The following INVS variants were observed in gnomAD, a reference collection of about 807,000 sequenced individuals.
INVS encodes inversin, also known as inversion of embryo turning homolog.
A neutral mutation model predicts 108.8 loss-of-function variants in INVS; 86 were observed. The observed-to-expected ratio is 0.79, with a 90% confidence interval of 0.66 to 0.95. INVS has a LOEUF of 0.95. Among genes scored for constraint, INVS ranks in the 40% least tolerant of loss-of-function variants. The pLI, the probability that INVS is intolerant of heterozygous loss-of-function variation, is 0.00. For missense variants in INVS, 1,169 were observed against 1,297.4 expected (o/e 0.90, Z 1.52); for synonymous variants, 455 against 473.5 (o/e 0.96, Z 0.51).
At chr9:100,255,541 G>A (rs1279468545) in intron 10 of INVS, among the ~76,000 whole-genome samples, 1 of 152,134 alleles carries the variant, frequency 6.6e-6, no homozygotes, top group Non-Finnish European at 1.5e-5. Flanking sequence ...TATGACATTG[G>A]CTGTGGGTTT....
chr9:100,117,517 GC>G, intron 2 of INVS: 1 of 921,962 alleles, frequency 1.1e-6, no homozygotes, highest in Non-Finnish European at 1.7e-6. Context: ...CCCGTCCACG[GC>G]CGCAACCCCG....
chr9:100,227,702 A>C (rs1388611142), intron 4 of INVS, among the ~76,000 whole-genome samples: 2 of 147,130 alleles, frequency 1.4e-5, no homozygotes, highest in Non-Finnish European at 3.0e-5. Context: ...AGCCTGATTA[A>C]AAAAAAAAAA....
At chr9:100,156,538 T>G (rs927375476) in intron 3 of INVS, among the ~76,000 whole-genome samples, 7 of 152,046 alleles carry the variant, frequency 4.6e-5, no homozygotes, top group Non-Finnish European at 1.0e-4. Context: ...GCTAGTGTAT[T>G]TAAAATACAG....
At position 100,273,072 on chromosome 9, in the gene INVS, G is replaced by C; in HGVS notation, c.1780G>C (p.Ala594Pro). ...TGAACAGTTGAGAAAAGATGCTGCT[G>C]CCAAGTAAGTATGAGCTACGCAGAT... is the stretch of plus-strand genomic sequence containing the variant. ...KHEQLRKDAA[A>P]KKREEENKRK... The change falls in exon 12 of 17, where the codon GCC (alanine) becomes CCC (proline). Residue 594 changes from alanine to proline, a missense_variant. Coordinates refer to ENST00000262457, the MANE Select transcript of INVS (RefSeq NM_014425.5). 2 of 1,613,658 alleles carry C rather than the reference G, an allele frequency of 1.2e-6. 1 individual carries two copies. Among genetic ancestry groups the C allele is most frequent in the East Asian group, 4.5e-5 (2 of 44,872 alleles).
Position 100,127,404 on chromosome 9 carries a change from A to C in INVS, c.273+855A>C, listed in dbSNP as rs144121031. On this transcript the variant is annotated intron_variant, in intron 3 of 16. Coordinates refer to ENST00000262457, the MANE Select transcript of INVS (RefSeq NM_014425.5). ...TTTTAAGATTAAACCCATCAAACAG[A>C]TAAAATAGGAAGCTTCTACATTTAG... 4.4e-3 allele frequency among the ~76,000 whole-genome samples: 676 copies of C among 152,260 alleles called. 3 individuals carry two copies. Among genetic ancestry groups the C allele is most frequent in the African/African-American group, 0.016 (649 of 41,560 alleles).
At chr9:100,179,550 C>T (rs1829818798) in intron 3 of INVS, among the ~76,000 whole-genome samples, 1 of 151,758 alleles carries the variant, frequency 6.6e-6, no homozygotes, top group African/African-American at 2.4e-5. Flanking sequence ...CAAACAAGGG[C>T]ATTACATAAT....
At chr9:100,115,318 A>G (rs1451032758) in intron 2 of INVS, among the ~76,000 whole-genome samples, 1 of 150,320 alleles carries the variant, frequency 6.7e-6, no homozygotes, top group Non-Finnish European at 1.5e-5. Context: ...ATATATTTTT[A>G]TTATACTTTA....
intron 8 of INVS, among the ~76,000 whole-genome samples, chr9:100,251,301 C>T (rs1832227544): frequency 6.6e-6 from 1 of 152,186 alleles, no homozygotes; most frequent in Non-Finnish European, 1.5e-5. Context: ...CTCTGTGGAT[C>T]ACCCTTTATG....
Position 100,301,433 on chromosome 9 carries a change from C to T in INVS, c.*759C>T, listed in dbSNP as rs556070454. The stretch of plus-strand genomic sequence containing the variant: ...ATTCTGTCAGGTAGGGTTTACAGAC[C>T]AGACTGTTCATGCAGCAAGGTGCTA... On this transcript the variant is annotated 3_prime_UTR_variant, in exon 17 of 17. Transcript: ENST00000262457. Among the ~76,000 whole-genome samples, 5 of 152,284 alleles carry T rather than the reference C, an allele frequency of 3.3e-5. No individual in the cohort carries two copies. The highest frequency in any genetic ancestry group is 9.6e-5 in the African/African-American group (4 of 41,564).
chr9:100,219,276 A>G (rs1211193623), intron 3 of INVS, among the ~76,000 whole-genome samples: 1 of 152,212 alleles, frequency 6.6e-6, no homozygotes, highest in Non-Finnish European at 1.5e-5. Flanking sequence ...GCAAACATAT[A>G]AAAACATTCC....
chr9:100,152,410 C>A (rs1036996507), intron 3 of INVS, among the ~76,000 whole-genome samples: 2 of 152,146 alleles, frequency 1.3e-5, no homozygotes, highest in Admixed American at 6.5e-5. Flanking sequence ...AAAATAGATA[C>A]TGCTTATAGA....
chr9:100,107,045 A>G (rs1223150973), intron 2 of INVS, among the ~76,000 whole-genome samples: 1 of 152,222 alleles, frequency 6.6e-6, no homozygotes, highest in Admixed American at 6.5e-5. Flanking sequence ...ACACTTATTT[A>G]CCTTAATTCA....
At chr9:100,250,407 C>T (rs1242078020) in intron 8 of INVS, among the ~76,000 whole-genome samples, 1 of 152,122 alleles carries the variant, frequency 6.6e-6, no homozygotes, top group Non-Finnish European at 1.5e-5. Context: ...ATGTTCTACC[C>T]TGTGCTGTCT....
At chr9:100,251,634 C>T (rs980181335) in intron 8 of INVS, among the ~76,000 whole-genome samples, 2 of 152,164 alleles carry the variant, frequency 1.3e-5, no homozygotes, top group African/African-American at 4.8e-5. Context: ...TGGGTTCAAG[C>T]AGTCCTCCTG....
At chr9:100,258,384 G>A (rs62578319) in intron 10 of INVS, among the ~76,000 whole-genome samples, 29 of 152,112 alleles carry the variant, frequency 1.9e-4, no homozygotes, top group Non-Finnish European at 4.0e-4. Context: ...TGTAATTACC[G>A]ATCGTCTGAA....
intron 3 of INVS, among the ~76,000 whole-genome samples, chr9:100,156,941 T>TACAC (rs200451806): frequency 2.2e-3 from 249 of 111,130 alleles, no homozygotes; most frequent in African/African-American, 4.3e-3. Flanking sequence ...CATATATATA[T>TACAC]ATACACACAC....
At position 100,264,275 on chromosome 9, in the gene INVS, T is replaced by G. The variant is rs544295973; in HGVS notation, c.1465-547T>G. 8.5e-5 allele frequency among the ~76,000 whole-genome samples: 13 copies of G among 152,332 alleles called. No individual in the cohort carries two copies. The South Asian group carries it at 2.5e-3, about 29-fold the overall frequency. On this transcript the variant is annotated intron_variant, in intron 10 of 16. Transcript: ENST00000262457. ...TGGTTGGAATATTACATAAGTAATA[T>G]GAATCCTTCTAAGGGTATTACCTCT... is the stretch of plus-strand genomic sequence containing the variant.
At chr9:100,299,676 ACAC>A (rs1833906938) in intron 16 of INVS, among the ~76,000 whole-genome samples, 1 of 133,160 alleles carries the variant, frequency 7.5e-6, no homozygotes, top group Non-Finnish European at 1.7e-5. Context: ...ACACACACAC[ACAC>A]ACCTGGGCCT....
intron 3 of INVS, among the ~76,000 whole-genome samples, chr9:100,212,497 C>A (rs1006924861): frequency 6.6e-6 from 1 of 152,082 alleles, no homozygotes; most frequent in Non-Finnish European, 1.5e-5. Context: ...CCCTCCCCAA[C>A]AACCTTTTCT....
Sources: allele counts gnomAD v4.1 joint callset (sites outside exome capture counted in the v4.1 genomes callset), GRCh38; gene constraint gnomAD v4.1.1; transcripts MANE v1.5; gene names NCBI Gene and HGNC (gene_info 2026-07-23, HGNC 2026-07-21).